The following NHEJ1 variants were observed in gnomAD, a reference collection of about 807,000 sequenced individuals.
NHEJ1 encodes non-homologous end-joining factor 1.
In NHEJ1, 22 loss-of-function variants were observed where a neutral mutation model predicts 39.4. The observed-to-expected ratio is 0.56, with a 90% CI of 0.40 to 0.80. NHEJ1 has a LOEUF of 0.80. NHEJ1 is among the 30% of genes least tolerant of loss of function. The pLI, the probability that NHEJ1 is intolerant of heterozygous loss-of-function variation, is 0.00. For missense variants in NHEJ1, 329 were observed against 357.1 expected (o/e 0.92, Z 0.63); for synonymous variants, 154 against 135.6 (o/e 1.14, Z -0.94).
chr2:219,077,695 G>A (rs1399917440), intron 6 of NHEJ1, among the ~76,000 whole-genome samples: 1 of 151,502 alleles, frequency 6.6e-6, no homozygotes, highest in Non-Finnish European at 1.5e-5. Flanking sequence ...GTGTTGTCCA[G>A]GCTGGTCTCA....
chr2:219,082,605 C>T (rs1949076994), intron 5 of NHEJ1, among the ~76,000 whole-genome samples: 1 of 152,148 alleles, frequency 6.6e-6, no homozygotes, highest in Non-Finnish European at 1.5e-5. Flanking sequence ...AATATGGACC[C>T]ACAGTCTGAG....
intron 5 of NHEJ1, among the ~76,000 whole-genome samples, chr2:219,141,917 A>G (rs1949695399): frequency 6.6e-6 from 1 of 152,086 alleles, no homozygotes; most frequent in Non-Finnish European, 1.5e-5. Context: ...CAAGATGGCA[A>G]TTTTCAAGTT....
chr2:219,134,351 C>T (rs1183568168), intron 5 of NHEJ1, among the ~76,000 whole-genome samples: 1 of 152,228 alleles, frequency 6.6e-6, no homozygotes, highest in Non-Finnish European at 1.5e-5. Flanking sequence ...GAAGATATCA[C>T]CTAGCTCATA....
intron 5 of NHEJ1, among the ~76,000 whole-genome samples, chr2:219,108,461 G>C (rs2106337801): frequency 6.6e-6 from 1 of 152,256 alleles, no homozygotes; most frequent in African/African-American, 2.4e-5. Flanking sequence ...GGATTCATGT[G>C]TTTGCCTTTT....
rs182780928 is a variant in NHEJ1 at position 219,125,327 on chromosome 2, G to A, written c.588+21353C>T. ...CCACAAGTCCTCTCTTCTGGGCTCT[G>A]GGCACACAGCGTCCCTTCTTGGGTG... is the stretch of plus-strand genomic sequence containing the variant. On this transcript the variant is annotated intron_variant, in intron 5 of 7. Coordinates refer to ENST00000356853, the MANE Select transcript of NHEJ1 (RefSeq NM_024782.3). The A allele has an allele frequency of 2.0e-5, 3 of 152,050 alleles. 1 individual carries two copies. The highest frequency in any genetic ancestry group is 2.0e-4 in the Admixed American group (3 of 15,278). The allele number at this position is 152,050 out of a possible 1,614,324, so 9.4% of individuals were successfully genotyped here. A position where few individuals can be genotyped will look rare whatever the true frequency, so the allele number is the denominator to read the frequency against.
chr2:219,095,279 T>C (rs1949196662), intron 5 of NHEJ1: 1 of 470,380 alleles, frequency 2.1e-6, no homozygotes, highest in South Asian at 1.6e-5. Context: ...CTTACCATGA[T>C]AAAAAGAGAC....
intron 5 of NHEJ1, among the ~76,000 whole-genome samples, chr2:219,142,096 A>C (rs1048110010): frequency 6.6e-6 from 1 of 152,212 alleles, no homozygotes; most frequent in Admixed American, 6.5e-5. Context: ...TGCACTTAGG[A>C]TGCTAAGTCA....
At chr2:219,101,883 G>T (rs760459364) in intron 5 of NHEJ1, among the ~76,000 whole-genome samples, 1 of 151,840 alleles carries the variant, frequency 6.6e-6, no homozygotes, top group African/African-American at 2.4e-5. Context: ...GTGCCACCAC[G>T]TCCAGCTAAT....
intron 5 of NHEJ1, among the ~76,000 whole-genome samples, chr2:219,140,557 T>C (rs1949680775): frequency 6.6e-6 from 1 of 152,176 alleles, no homozygotes. Flanking sequence ...GGACTTTGGC[T>C]GTAGGAAGTG....
Position 219,075,205 on chromosome 2 carries a change from TC to T in NHEJ1, c.*1175del, listed in dbSNP as rs1253882986. ...GATAAGTCACTTACTCACTTCAGGA[TC>T]CAATTTCTTAATGGGTTAACAGCAT... On this transcript the variant is annotated 3_prime_UTR_variant, in exon 8 of 8. Transcript: ENST00000356853. The T allele has an allele frequency of 6.6e-6, 1 of 152,232 alleles. No individual in the cohort carries two copies. Among genetic ancestry groups the T allele is most frequent in the Non-Finnish European group, 1.5e-5 (1 of 68,038 alleles). 9.4% of individuals were successfully genotyped at this position (152,232 alleles called of 1,614,324 possible).
chr2:219,153,705 G>GGGGGGA (rs1559204174), intron 3 of NHEJ1, among the ~76,000 whole-genome samples: 1 of 114,836 alleles, frequency 8.7e-6, no homozygotes, highest in African/African-American at 3.1e-5. Context: ...GGGGGGGGGT[G>GGGGGGA]GAGAGAGAGA....
At chr2:219,100,446 G>GAA (rs1172219644) in intron 5 of NHEJ1, among the ~76,000 whole-genome samples, 298 of 79,852 alleles carry the variant, frequency 3.7e-3, no homozygotes, top group Non-Finnish European at 6.8e-3. Flanking sequence ...CTACTAAAAT[G>GAA]CAAAAAAAAA....
intron 5 of NHEJ1, among the ~76,000 whole-genome samples, chr2:219,129,624 A>T (rs933693595): frequency 3.9e-5 from 6 of 152,252 alleles, no homozygotes; most frequent in African/African-American, 1.4e-4. Flanking sequence ...CCCCCACTCC[A>T]GGCCTCCTTC....
chr2:219,119,235 G>A (rs1416860202), intron 5 of NHEJ1, among the ~76,000 whole-genome samples: 1 of 152,076 alleles, frequency 6.6e-6, no homozygotes, highest in African/African-American at 2.4e-5. Context: ...ATTTCAAGAT[G>A]GAAATCTGTC....
At chr2:219,091,717 G>A (rs996785537) in intron 5 of NHEJ1, among the ~76,000 whole-genome samples, 1 of 152,188 alleles carries the variant, frequency 6.6e-6, no homozygotes, top group Non-Finnish European at 1.5e-5. Flanking sequence ...ACGCCAAGGG[G>A]ACACTGTTTT....
At chr2:219,106,670 G>A (rs897804730) in intron 5 of NHEJ1, among the ~76,000 whole-genome samples, 1 of 152,202 alleles carries the variant, frequency 6.6e-6, no homozygotes, top group South Asian at 2.1e-4. Flanking sequence ...AAGAGCCTAT[G>A]CTTGGAACAG....
rs1209513019 is a variant in NHEJ1, at chr2:219,076,379, G to A, written c.*2C>T. ...ATCCTCAGCAGCTGAGGCCACAACA[G>A]ATTAACTGAAGAGACCCCTTGGCTT... On this transcript the variant is annotated 3_prime_UTR_variant, in exon 8 of 8. Coordinates refer to ENST00000356853, the MANE Select transcript of NHEJ1 (RefSeq NM_024782.3). 6 of 1,614,156 alleles carry A rather than the reference G, an allele frequency of 3.7e-6. No homozygotes were observed. The highest frequency in any genetic ancestry group is 5.1e-6 in the Non-Finnish European group (6 of 1,180,030).
intron 5 of NHEJ1, among the ~76,000 whole-genome samples, chr2:219,102,901 A>G (rs1269824787): frequency 1.4e-5 from 2 of 141,070 alleles, no homozygotes; most frequent in East Asian, 4.4e-4. Context: ...GCTACTTGGG[A>G]GGCTGAGGCA....
intron 2 of NHEJ1, 55 bp downstream of exon 2, chr2:219,158,131 G>C: frequency 6.3e-7 from 1 of 1,594,248 alleles, no homozygotes; most frequent in Non-Finnish European, 8.6e-7. Flanking sequence ...CTACAGGCCA[G>C]CAAGCTGGTT....
Sources: gnomAD v4.1 joint callset for allele counts (sites outside exome capture counted in the v4.1 genomes callset) on GRCh38, gnomAD v4.1.1 for gene constraint, MANE v1.5 for transcripts, NCBI Gene and HGNC (gene_info 2026-07-23, HGNC 2026-07-21) for gene names.